Variants in POLD3 observed in about 807,000 individuals in gnomAD.
POLD3 encodes DNA polymerase delta subunit 3.
In POLD3, 19 loss-of-function variants were observed where a neutral mutation model predicts 58.2. The observed-to-expected ratio is 0.33, with a 90% CI of 0.23 to 0.48. POLD3 has a LOEUF of 0.48. Ranked by LOEUF, POLD3 falls within the 20% of genes least tolerant of loss-of-function variation. The probability of loss-of-function intolerance (pLI) is 0.99; values close to 1 mark genes in which losing one functional copy is unlikely to be tolerated. For missense variants in POLD3, 504 were observed against 545.5 expected, an observed-to-expected ratio of 0.92 and a Z score of 0.76; for synonymous variants, 172 against 193.5, an observed-to-expected ratio of 0.89 and a Z score of 0.92.
chr11:74,620,173 C>T, intron 7 of POLD3, 84 bp downstream of exon 7: 2 of 1,053,122 alleles, frequency 1.9e-6, no homozygotes, highest in Non-Finnish European at 2.9e-6. Flanking sequence ...GCCACTTTGT[C>T]TAGTTTTTGC....
downstream of POLD3, among the ~76,000 whole-genome samples, chr11:74,644,865 C>T (rs1173649198): frequency 6.6e-6 from 1 of 152,156 alleles, no homozygotes; most frequent in Non-Finnish European, 1.5e-5. Flanking sequence ...TTTAGGCTTT[C>T]TCAAGGCTCT....
downstream of POLD3, among the ~76,000 whole-genome samples, chr11:74,647,202 AC>A (rs1301648929): frequency 6.6e-6 from 1 of 152,188 alleles, no homozygotes; most frequent in Non-Finnish European, 1.5e-5. Context: ...CAGGCCACAG[AC>A]CAGAACCAGT....
intron 5 of POLD3, among the ~76,000 whole-genome samples, chr11:74,615,923 A>G (rs1247357570): frequency 1.3e-5 from 2 of 152,198 alleles, no homozygotes; most frequent in Non-Finnish European, 2.9e-5. Context: ...GAGTATAATA[A>G]GCATACAAAT....
At chr11:74,630,294 A>G (rs1390200002) in intron 9 of POLD3, among the ~76,000 whole-genome samples, 2 of 152,230 alleles carry the variant, frequency 1.3e-5, no homozygotes, top group Non-Finnish European at 2.9e-5. Flanking sequence ...GGCTTCCGAA[A>G]AAAGGATATT....
At chr11:74,640,469 A>G in intron 11 of POLD3, 95 bp from the exon 12 acceptor site, 1 of 1,404,262 alleles carries the variant, frequency 7.1e-7, no homozygotes, top group Non-Finnish European at 9.4e-7. Flanking sequence ...CCTTGATCAG[A>G]GTCTGAAATG....
intron 6 of POLD3, among the ~76,000 whole-genome samples, 182 bp downstream of exon 6, chr11:74,618,986 G>T (rs1002190150): frequency 3.3e-5 from 5 of 152,128 alleles, no homozygotes; most frequent in Non-Finnish European, 5.9e-5. Flanking sequence ...TTTTGCTTTT[G>T]ATAATGATTC....
chr11:74,660,768 G>A (rs1197658198), intron 4 of POLD3, among the ~76,000 whole-genome samples: 2 of 152,108 alleles, frequency 1.3e-5, no homozygotes, highest in East Asian at 3.9e-4. Context: ...CGCCATGATT[G>A]TAAGTTTCCT....
intron 7 of POLD3, among the ~76,000 whole-genome samples, chr11:74,621,713 G>A (rs1292308341): frequency 1.3e-5 from 2 of 151,918 alleles, no homozygotes; most frequent in African/African-American, 2.4e-5. Flanking sequence ...TGAGAGAGAT[G>A]GACAAATAAA....
At position 74,642,654 on chromosome 11, in the gene POLD3, T is replaced by TG; in HGVS notation, c.*1888_*1889insG. 3 of 952,884 alleles carry TG rather than the reference T, an allele frequency of 3.1e-6. No homozygotes were observed. Among genetic ancestry groups the TG allele is most frequent in the African/African-American group, 1.8e-5 (1 of 55,218 alleles). The allele number at this position is 952,884 out of a possible 1,614,324, so 59.0% of individuals were successfully genotyped here. ...AAGGCTTAGTAAGTATTGAGTGGTG[T>TG]TTTTTTTTTCTTTTTATACAATACC... On this transcript the variant is annotated 3_prime_UTR_variant, in exon 12 of 12. Transcript: ENST00000263681.
intron 4 of POLD3, among the ~76,000 whole-genome samples, chr11:74,649,853 G>A (rs565577582): frequency 1.3e-5 from 2 of 151,676 alleles, no homozygotes; most frequent in South Asian, 2.1e-4. Context: ...ATTTATTTGA[G>A]AGAGAGAGAG....
Position 74,592,682 on chromosome 11 carries a change from A to G in POLD3, c.24A>G (p.Glu8=), listed in dbSNP as rs937602411. 6.2e-6 allele frequency: 10 copies of G among 1,613,852 alleles called. No individual in the cohort carries two copies. Among genetic ancestry groups the G allele is most frequent in the African/African-American group, 4.0e-5 (3 of 74,930 alleles). MADQLYL[E]NIDEFVTDQN... Reference sequence around the variant, plus strand: ...CCATGGCGGACCAGCTTTATCTGGAAAATATAGACGAGTTCGTCACGGACC... The same window carrying G: ...CCATGGCGGACCAGCTTTATCTGGAGAATATAGACGAGTTCGTCACGGACC... Residue 8 remains glutamate (E), a synonymous_variant, in exon 1 of 12, where the codon GAA becomes GAG. Transcript: ENST00000263681.
intron 4 of POLD3, among the ~76,000 whole-genome samples, chr11:74,662,124 C>T (rs191407851): frequency 6.6e-6 from 1 of 152,306 alleles, no homozygotes; most frequent in East Asian, 1.9e-4. Context: ...AAATACCTTC[C>T]AAGAGCCAAG....
chr11:74,665,846 G>A (rs2033262334), intron 4 of POLD3, among the ~76,000 whole-genome samples: 1 of 152,148 alleles, frequency 6.6e-6, no homozygotes, highest in South Asian at 2.1e-4. Flanking sequence ...TCAAAAATAA[G>A]ACAAGGAAGT....
chr11:74,601,575 G>T (rs368694997), intron 2 of POLD3, among the ~76,000 whole-genome samples: 2 of 152,130 alleles, frequency 1.3e-5, no homozygotes, highest in Non-Finnish European at 2.9e-5. Context: ...TCACTTGAGC[G>T]CAGGGGTTCG....
chr11:74,664,637 CAAA>C (rs35334799), intron 4 of POLD3, among the ~76,000 whole-genome samples: 1 of 151,070 alleles, frequency 6.6e-6, no homozygotes, highest in Non-Finnish European at 1.5e-5. Flanking sequence ...CAGAAATCCT[CAAA>C]AAAAAATTAC....
rs781016303 is a variant in POLD3, at chr11:74,634,648, C to T, written c.1072C>T (p.Pro358Ser). ...ATCCCCACCTCCTCCTCCGTCTCCA[C>T]CTCTTGAACCAGTGCCAAAGACTGA... ...SPSPPPPPSP[P>S]LEPVPKTEPE... Residue 358 changes from proline (P) to serine (S), a missense_variant, in exon 10 of 12, where the codon CCT (proline) becomes TCT (serine). This residue lies in a region of POLD3 where 385 missense variants were observed against 370.5 expected (regional missense o/e 1.04). Transcript: ENST00000263681. 2 of 1,613,170 alleles carry T rather than the reference C, an allele frequency of 1.2e-6. No homozygotes were observed. Among genetic ancestry groups the T allele is most frequent in the African/African-American group, 2.7e-5 (2 of 74,920 alleles).
At chr11:74,635,833 T>C (rs1462360370) in intron 10 of POLD3, among the ~76,000 whole-genome samples, 2 of 152,220 alleles carry the variant, frequency 1.3e-5, no homozygotes, top group African/African-American at 2.4e-5. Flanking sequence ...CTCACTACAC[T>C]GTATTGCAGT....
chr11:74,666,923 A>T (rs2033275545), intron 4 of POLD3, among the ~76,000 whole-genome samples: 1 of 151,670 alleles, frequency 6.6e-6, no homozygotes, highest in Non-Finnish European at 1.5e-5. Flanking sequence ...CCAGAATTAA[A>T]ACTTACATGT....
chr11:74,604,794 C>G lies in POLD3; in HGVS notation c.219C>G (p.Ser73=). The part of the protein sequence containing the change: ...VSGSLIQNGH[S]CHKVAVVRED... ...GCAGTCTCATTCAGAATGGACATTC[C>G]GTAAGTTCTCAGAGCCTTGTAATGA... is the stretch of plus-strand genomic sequence containing the variant. Residue 73 remains serine (S), a splice_region_variant and synonymous_variant, in exon 3 of 12, where the codon TCC becomes TCG. Transcript: ENST00000263681. 1 of 1,521,414 alleles carries G rather than the reference C, an allele frequency of 6.6e-7. No homozygotes were observed. Among genetic ancestry groups the G allele is most frequent in the Non-Finnish European group, 9.1e-7 (1 of 1,095,296 alleles). The allele number at this position is 1,521,414 out of a possible 1,614,324, so 94.2% of individuals were successfully genotyped here.
Sources: allele counts gnomAD v4.1 joint callset (sites outside exome capture counted in the v4.1 genomes callset), GRCh38; gene constraint gnomAD v4.1.1; regional missense constraint gnomAD v4.1.1; transcripts MANE v1.5; gene names NCBI Gene and HGNC (gene_info 2026-07-23, HGNC 2026-07-21).